NAALADL2: variants seen among roughly 807,000 people sequenced by gnomAD.
NAALADL2 encodes N-acetylated alpha-linked acidic dipeptidase like 2, also known as inactive N-acetylated-alpha-linked acidic dipeptidase-like protein 2.
In NAALADL2, 76 loss-of-function variants were observed where a neutral mutation model predicts 87.2. The observed-to-expected ratio is 0.87, with a 90% CI of 0.72 to 1.05. The LOEUF is 1.05. Ranked by LOEUF, NAALADL2 falls within the 50% of genes least tolerant of loss-of-function variation. The pLI, the probability that NAALADL2 is intolerant of heterozygous loss-of-function variation, is 0.00. For synonymous variants in NAALADL2, 354 were observed against 331.0 expected (o/e 1.07, Z -0.75); for missense variants, 1,089 against 945.8 (o/e 1.15, Z -1.99).
chr3:175,070,705 T>C (rs1715474289), intron 1 of NAALADL2, among the ~76,000 whole-genome samples: 1 of 152,186 alleles, frequency 6.6e-6, no homozygotes, highest in South Asian at 2.1e-4. Context: ...TTTTTAATGT[T>C]TGTTGATTGA....
chr3:175,273,020 T>A (rs759056117), intron 4 of NAALADL2, among the ~76,000 whole-genome samples: 21 of 152,144 alleles, frequency 1.4e-4, no homozygotes, highest in Non-Finnish European at 2.8e-4. Context: ...ATATTTAATC[T>A]TGAGTATTTT....
intron 1 of NAALADL2, among the ~76,000 whole-genome samples, chr3:174,447,065 T>C (rs1386522849): frequency 6.6e-6 from 1 of 152,190 alleles, no homozygotes; most frequent in African/African-American, 2.4e-5. Flanking sequence ...CCTTTATATG[T>C]GTGTGAAAAT....
Position 174,581,674 on chromosome 3 carries a change from A to G in NAALADL2, c.-115+31037A>G, listed in dbSNP as rs149135911. Among the ~76,000 whole-genome samples, 1,445 of 152,066 alleles carry G rather than the reference A, an allele frequency of 9.5e-3. 20 individuals carry two copies. The highest frequency in any genetic ancestry group is 0.034 in the African/African-American group (1,397 of 41,462). On this transcript the variant is annotated intron_variant, in intron 2 of 3. Coordinates refer to the NAALADL2 transcript ENST00000434257. Reference sequence around the variant, plus strand: ...TGAACTATCTACCGCATTTTTAGAGACTCTCCTAATTCTCTTGCCAGGCAT... The same window carrying G: ...TGAACTATCTACCGCATTTTTAGAGGCTCTCCTAATTCTCTTGCCAGGCAT...
chr3:174,557,230 A>T (rs1390306334), intron 2 of NAALADL2, among the ~76,000 whole-genome samples: 1 of 152,116 alleles, frequency 6.6e-6, no homozygotes, highest in African/African-American at 2.4e-5. Flanking sequence ...TTAATCATTG[A>T]CCTACACGAA....
At position 175,630,597 on chromosome 3, in the gene NAALADL2, T is replaced by C. The variant is rs188235494; in HGVS notation, c.1896+3211T>C. Among the ~76,000 whole-genome samples the C allele has an allele frequency of 2.6e-5, 4 of 151,924 alleles. No homozygotes were observed. In the East Asian group the frequency reaches 7.7e-4, roughly 29 times the overall value. ...ATATAAAAACATAATCAAACTCATT[T>C]TAAATGCTAAGAGTACACTAAGTTA... On this transcript the variant is annotated intron_variant, in intron 11 of 13. Transcript: ENST00000454872.
Position 174,604,053 on chromosome 3 carries a change from G to A in NAALADL2, c.-115+53416G>A, listed in dbSNP as rs190525422. On this transcript the variant is annotated intron_variant, in intron 2 of 3. Coordinates refer to the NAALADL2 transcript ENST00000434257. Reference sequence around the variant, plus strand: ...CTATCCTACAGCCATGCGATAAAATGTTCTATAAATATATATTAGGTTTAT... The same window carrying A: ...CTATCCTACAGCCATGCGATAAAATATTCTATAAATATATATTAGGTTTAT... 1.1e-4 allele frequency among the ~76,000 whole-genome samples: 16 copies of A among 152,154 alleles called. No individual in the cohort carries two copies. In the East Asian group the frequency reaches 2.7e-3, roughly 26 times the overall value.
At chr3:175,303,093 A>T (rs1467549000) in intron 4 of NAALADL2, among the ~76,000 whole-genome samples, 1 of 152,162 alleles carries the variant, frequency 6.6e-6, no homozygotes, top group Admixed American at 6.6e-5. Context: ...TACACATAAC[A>T]TACACATGGC....
chr3:174,561,201 C>CTTT (rs200957982), intron 2 of NAALADL2, among the ~76,000 whole-genome samples: 2 of 130,756 alleles, frequency 1.5e-5, no homozygotes. Context: ...AATAGGATTC[C>CTTT]TTTTTTTTTT....
At chr3:174,732,001 G>A (rs570827795) in intron 2 of NAALADL2, among the ~76,000 whole-genome samples, 1 of 152,146 alleles carries the variant, frequency 6.6e-6, no homozygotes, top group Non-Finnish European at 1.5e-5. Context: ...ATGAATGGGT[G>A]TGGTTGTGTC....
rs546271914 is a variant in NAALADL2, at chr3:175,104,658, G to T, written c.545+7367G>T. 3.3e-5 allele frequency among the ~76,000 whole-genome samples: 5 copies of T among 152,246 alleles called. No individual in the cohort carries two copies. The South Asian group carries it at 1.0e-3, about 32-fold the overall frequency. ...ACATGAAGAAAGCAATAAAGCAACT[G>T]CTATTTTAATTAGAGAAAAACATGT... On this transcript the variant is annotated intron_variant, in intron 2 of 13. Coordinates refer to ENST00000454872, the MANE Select transcript of NAALADL2 (RefSeq NM_207015.3).
intron 3 of NAALADL2, among the ~76,000 whole-genome samples, chr3:174,757,639 G>A (rs936563994): frequency 5.9e-5 from 9 of 151,860 alleles, no homozygotes; most frequent in Admixed American, 1.3e-4. Flanking sequence ...CTACAGGTAC[G>A]CACCACCACG....
At chr3:174,692,835 C>T (rs889647379) in intron 2 of NAALADL2, among the ~76,000 whole-genome samples, 2 of 151,384 alleles carry the variant, frequency 1.3e-5, no homozygotes, top group Non-Finnish European at 2.9e-5. Flanking sequence ...ATACTGCAAT[C>T]ATTATTGTCT....
rs999865336 is a variant in NAALADL2 at position 175,755,428 on chromosome 3, A to G, written c.2189+10A>G. ...CACCAGGTTTTTATAGGTAGGATGC[A>G]TGTCTCAAAAATTATACTTTTTGCC... On this transcript the variant is annotated intron_variant, in intron 13 of 13. Transcript: ENST00000454872. The G allele has an allele frequency of 6.4e-7, 1 of 1,557,118 alleles. No homozygotes were observed. The highest frequency in any genetic ancestry group is 2.3e-5 in the East Asian group (1 of 43,266).
intron 10 of NAALADL2, among the ~76,000 whole-genome samples, chr3:175,584,257 G>A (rs548549993): frequency 6.6e-6 from 1 of 152,042 alleles, no homozygotes; most frequent in East Asian, 1.9e-4. Flanking sequence ...GGCCAGTCTC[G>A]AACTCCTGAC....
At chr3:174,960,164 C>A (rs1741768728) in intron 1 of NAALADL2, among the ~76,000 whole-genome samples, 2 of 152,030 alleles carry the variant, frequency 1.3e-5, no homozygotes, top group Non-Finnish European at 2.9e-5. Flanking sequence ...AGTCTAGATT[C>A]TACATTAACC....
chr3:175,492,099 G>T (rs1728180495), intron 9 of NAALADL2, among the ~76,000 whole-genome samples: 1 of 152,112 alleles, frequency 6.6e-6, no homozygotes, highest in Non-Finnish European at 1.5e-5. Context: ...CATATAATAA[G>T]AATTTTTTCA....
At chr3:174,606,642 C>G (rs1278383810) in intron 2 of NAALADL2, among the ~76,000 whole-genome samples, 1 of 152,128 alleles carries the variant, frequency 6.6e-6, no homozygotes, top group African/African-American at 2.4e-5. Context: ...AAGAAATGAA[C>G]AAAGCCTCCA....
Position 175,190,981 on chromosome 3 carries a change from CA to C in NAALADL2, c.546-42933del, listed in dbSNP as rs544760324. On this transcript the variant is annotated intron_variant, in intron 2 of 13. Transcript: ENST00000454872. The stretch of plus-strand genomic sequence containing the variant: ...CAACAGACAGAGGGAGACTCCGTCT[CA>C]AAAAAAAAAAAAAAAAGAAAAAGAA... Among the ~76,000 whole-genome samples, 310 of 102,050 alleles carry C rather than the reference CA, an allele frequency of 3.0e-3. 2 individuals are homozygous for C. The highest frequency in any genetic ancestry group is 0.013 in the South Asian group (35 of 2,776). 66.9% of individuals were successfully genotyped at this position (102,050 alleles called of 152,430 possible). A position where few individuals can be genotyped will look rare whatever the true frequency, so the allele number is the denominator to read the frequency against.
chr3:174,656,575 G>A (rs146966556), intron 2 of NAALADL2, among the ~76,000 whole-genome samples: 59 of 152,260 alleles, frequency 3.9e-4, no homozygotes, highest in South Asian at 8.3e-4. Flanking sequence ...CTTTTCAGAA[G>A]TGTTTTTTCA....
Sources: allele counts gnomAD v4.1 joint callset (sites outside exome capture counted in the v4.1 genomes callset), GRCh38; gene constraint gnomAD v4.1.1; transcripts MANE v1.5; gene names NCBI Gene and HGNC (gene_info 2026-07-23, HGNC 2026-07-21).